The following ANGPT4 variants were observed in gnomAD, a reference collection of about 807,000 sequenced individuals.
The protein encoded by ANGPT4 is angiopoietin-4.
In ANGPT4, 50 loss-of-function variants were observed where a neutral mutation model predicts 53.0. The ratio of observed to expected loss-of-function variants is 0.94; its 90% CI spans 0.75 to 1.20. The LOEUF is 1.20. Among genes scored for constraint, ANGPT4 ranks in the 50% most tolerant of loss-of-function variants. The pLI is 0.00. For missense variants in ANGPT4, 648 were observed against 637.1 expected, an observed-to-expected ratio of 1.02 and a Z score of -0.18; for synonymous variants, 251 against 259.7, an observed-to-expected ratio of 0.97 and a Z score of 0.32.
chr20:915,778 C>A (rs1159459443), intron 1 of ANGPT4, 128 bp downstream of exon 1: 24 of 1,211,604 alleles, frequency 2.0e-5, no homozygotes, highest in African/African-American at 3.1e-5. Context: ...CACCCCTGCC[C>A]CTCTTTGTGC....
intron 5 of ANGPT4, 111 bp downstream of exon 5, chr20:881,060 G>A (rs2122772860): frequency 4.7e-6 from 4 of 845,390 alleles, no homozygotes; most frequent in African/African-American, 1.8e-5. Flanking sequence ...TACACCTCTG[G>A]TATTTCAGAT....
intron 1 of ANGPT4, among the ~76,000 whole-genome samples, chr20:899,998 T>C (rs1276379686): frequency 6.6e-6 from 1 of 152,142 alleles, no homozygotes; most frequent in Non-Finnish European, 1.5e-5. Flanking sequence ...ATCAATCTCT[T>C]CCCACACAAG....
intron 1 of ANGPT4, among the ~76,000 whole-genome samples, chr20:890,649 T>G (rs1008270510): frequency 3.3e-5 from 5 of 152,126 alleles, no homozygotes; most frequent in African/African-American, 1.2e-4. Context: ...CTGCTAAACC[T>G]AAGTCAAGTC....
At chr20:895,858 G>A (rs1392757054) in intron 1 of ANGPT4, among the ~76,000 whole-genome samples, 1 of 151,074 alleles carries the variant, frequency 6.6e-6, no homozygotes, top group African/African-American at 2.4e-5. Flanking sequence ...CTCTAAAAAT[G>A]TCAGAATCTG....
At chr20:896,781 C>T (rs1365363825) in intron 1 of ANGPT4, among the ~76,000 whole-genome samples, 1 of 152,102 alleles carries the variant, frequency 6.6e-6, no homozygotes, top group Admixed American at 6.6e-5. Context: ...AGCTCCTTCC[C>T]CTGGGTTGTA....
intron 1 of ANGPT4, among the ~76,000 whole-genome samples, chr20:912,807 T>G (rs1404871886): frequency 6.6e-6 from 1 of 152,028 alleles, no homozygotes; most frequent in South Asian, 2.1e-4. Flanking sequence ...TTGGAAACTC[T>G]GCAGTAGAAG....
chr20:898,194 T>C (rs1267344077), intron 1 of ANGPT4, among the ~76,000 whole-genome samples: 1 of 152,084 alleles, frequency 6.6e-6, no homozygotes, highest in East Asian at 1.9e-4. Flanking sequence ...CTGACGCTGC[T>C]CCTCGCCAGG....
chr20:888,196 G>C, intron 3 of ANGPT4, 122 bp downstream of exon 3: 1 of 1,348,646 alleles, frequency 7.4e-7, no homozygotes, highest in Non-Finnish European at 9.9e-7. Context: ...ACCAGCCCAC[G>C]TCCAGCTTCC....
intron 1 of ANGPT4, 136 bp from the exon 2 acceptor site, chr20:890,504 C>T: frequency 1.3e-6 from 1 of 741,378 alleles, no homozygotes; most frequent in Non-Finnish European, 2.2e-6. Context: ...CCAGGTCAGG[C>T]CACCATTACG....
chr20:873,333 C>T (rs899928363), intron 8 of ANGPT4, among the ~76,000 whole-genome samples: 5 of 152,076 alleles, frequency 3.3e-5, no homozygotes, highest in East Asian at 1.9e-4. Flanking sequence ...CAGCAAGGGG[C>T]TCTGGCCACT....
chr20:915,567 G>T (rs1036797012), intron 1 of ANGPT4, among the ~76,000 whole-genome samples: 14 of 152,142 alleles, frequency 9.2e-5, no homozygotes, highest in African/African-American at 3.1e-4. Context: ...TGACATAGTA[G>T]ATTATCTCTT....
At chr20:897,973 G>A (rs560154621) in intron 1 of ANGPT4, among the ~76,000 whole-genome samples, 3 of 152,284 alleles carry the variant, frequency 2.0e-5, no homozygotes, top group South Asian at 2.1e-4. Flanking sequence ...AGACCTGGAT[G>A]ATTTTTTGTC....
At chr20:891,693 C>T (rs1346504869) in intron 1 of ANGPT4, among the ~76,000 whole-genome samples, 2 of 152,230 alleles carry the variant, frequency 1.3e-5, no homozygotes, top group African/African-American at 2.4e-5. Flanking sequence ...GGGCCAGGCT[C>T]CAGCCACTTC....
intron 1 of ANGPT4, among the ~76,000 whole-genome samples, chr20:901,121 C>T (rs1982269196): frequency 1.3e-5 from 2 of 152,150 alleles, no homozygotes; most frequent in African/African-American, 2.4e-5. Flanking sequence ...TCCATACCAC[C>T]TCCAAAAATT....
At chr20:878,862 C>A (rs1279625065) in intron 6 of ANGPT4, among the ~76,000 whole-genome samples, 1 of 152,220 alleles carries the variant, frequency 6.6e-6, no homozygotes, top group African/African-American at 2.4e-5. Flanking sequence ...AAGATTTCAG[C>A]AACACAGAAA....
At chr20:887,971 C>G (rs1461455830) in intron 3 of ANGPT4, among the ~76,000 whole-genome samples, 1 of 152,030 alleles carries the variant, frequency 6.6e-6, no homozygotes, top group Non-Finnish European at 1.5e-5. Context: ...CCCTGTCCCA[C>G]CCAGTGCAGG....
intron 1 of ANGPT4, among the ~76,000 whole-genome samples, chr20:893,502 C>A (rs1981927632): frequency 6.6e-6 from 1 of 152,226 alleles, no homozygotes; most frequent in Non-Finnish European, 1.5e-5. Context: ...GCCAAGAGGT[C>A]TGAGGATCCA....
At chr20:897,101 T>G (rs975271213) in intron 1 of ANGPT4, among the ~76,000 whole-genome samples, 6 of 152,126 alleles carry the variant, frequency 3.9e-5, no homozygotes, top group African/African-American at 1.4e-4. Context: ...AATTTTCCAC[T>G]ACCTACCCAA....
intron 1 of ANGPT4, among the ~76,000 whole-genome samples, chr20:891,635 G>A (rs2122811750): frequency 6.6e-6 from 1 of 152,292 alleles, no homozygotes; most frequent in South Asian, 2.1e-4. Context: ...AGCTCTCAGG[G>A]TCCTTGGGAA....
Sources: allele counts gnomAD v4.1 joint callset (sites outside exome capture counted in the v4.1 genomes callset), GRCh38; gene constraint gnomAD v4.1.1; transcripts MANE v1.5; gene names NCBI Gene and HGNC (gene_info 2026-07-23, HGNC 2026-07-21).